Variants in MSH4 observed in about 807,000 individuals in gnomAD.
The protein encoded by MSH4 is mutS protein homolog 4.
In MSH4, 106 loss-of-function variants were observed where a neutral mutation model predicts 113.7. That is an observed-to-expected ratio of 0.93 (90% CI 0.80 to 1.10). The LOEUF is 1.10. Ranked by LOEUF, MSH4 falls within the 50% of genes least tolerant of loss-of-function variation. The probability of loss-of-function intolerance (pLI) is 0.00; values close to 1 mark genes in which losing one functional copy is unlikely to be tolerated. For synonymous variants in MSH4, 368 were observed against 380.2 expected (o/e 0.97, Z 0.37); for missense variants, 1,061 against 1,093.7 (o/e 0.97, Z 0.42).
rs202075371 is a variant in MSH4 at position 75,912,786 on chromosome 1, T to C, written c.2710T>C (p.Leu904=). 58 of 1,596,888 alleles carry C rather than the reference T, an allele frequency of 3.6e-5. No homozygotes were observed. The Middle Eastern group carries it at 5.0e-4, about 14-fold the overall frequency. Residue 904 remains leucine, a synonymous_variant, in exon 20 of 20, where the codon TTG becomes CTG. Transcript: ENST00000263187. ...RLVQTARNSQ[L]DPDSLRIYLS... is the part of the protein sequence containing the mutation. ...TGTTCAAACTGCTCGAAACTCTCAA[T>C]TGGATCCAGACAGTTTACGAATATA...
chr1:75,894,370 G>A (rs867321857), intron 17 of MSH4, among the ~76,000 whole-genome samples: 1 of 152,146 alleles, frequency 6.6e-6, no homozygotes, highest in Non-Finnish European at 1.5e-5. Context: ...ATCTGAATAA[G>A]CATAAAAGTT....
intron 8 of MSH4, among the ~76,000 whole-genome samples, chr1:75,854,817 A>G (rs1460177030): frequency 6.6e-6 from 1 of 152,322 alleles, no homozygotes; most frequent in Middle Eastern, 3.4e-3. Flanking sequence ...AGAGACTTAA[A>G]CATGAATAAT....
chr1:75,909,845 C>A (rs1022316645), intron 19 of MSH4, among the ~76,000 whole-genome samples: 1 of 151,908 alleles, frequency 6.6e-6, no homozygotes, highest in Admixed American at 6.6e-5. Flanking sequence ...AGTTCTTGAA[C>A]CTCCCCTCCT....
chr1:75,810,194 T>G, intron 3 of MSH4, among the ~76,000 whole-genome samples: 1 of 148,646 alleles, frequency 6.7e-6, no homozygotes, highest in East Asian at 2.0e-4. Flanking sequence ...TAGAAATATA[T>G]ATACATATAT....
intron 9 of MSH4, among the ~76,000 whole-genome samples, chr1:75,868,415 T>G (rs1185999071): frequency 6.6e-6 from 1 of 152,236 alleles, no homozygotes; most frequent in Admixed American, 6.5e-5. Context: ...GAAGTAATTA[T>G]TACTCTGATG....
chr1:75,797,782 C>CT (rs1247634339), intron 1 of MSH4, among the ~76,000 whole-genome samples: 1 of 152,048 alleles, frequency 6.6e-6, no homozygotes, highest in African/African-American at 2.4e-5. Flanking sequence ...CCTATCTCTA[C>CT]TAAAAGTACA....
chr1:75,845,850 G>T (rs910956465), intron 7 of MSH4, among the ~76,000 whole-genome samples: 2 of 152,190 alleles, frequency 1.3e-5, no homozygotes, highest in African/African-American at 2.4e-5. Flanking sequence ...GTTCTCTGTG[G>T]TGGCTCTGCC....
chr1:75,820,297 T>C (rs1650381778), intron 6 of MSH4, among the ~76,000 whole-genome samples: 1 of 152,242 alleles, frequency 6.6e-6, no homozygotes, highest in Non-Finnish European at 1.5e-5. Flanking sequence ...CATTGACCAA[T>C]AGCATATATG....
intron 6 of MSH4, among the ~76,000 whole-genome samples, chr1:75,821,271 A>G (rs1236236338): frequency 6.6e-6 from 1 of 152,162 alleles, no homozygotes; most frequent in Non-Finnish European, 1.5e-5. Context: ...CCGCTCAACT[A>G]CATAGAAACT....
At chr1:75,836,504 G>T (rs970053036) in intron 7 of MSH4, among the ~76,000 whole-genome samples, 1 of 151,912 alleles carries the variant, frequency 6.6e-6, no homozygotes, top group African/African-American at 2.4e-5. Context: ...TCACTATGTT[G>T]CCCAGGCTTG....
At chr1:75,895,927 GT>G (rs1652370142) in intron 17 of MSH4, among the ~76,000 whole-genome samples, 2 of 152,088 alleles carry the variant, frequency 1.3e-5, no homozygotes, top group South Asian at 4.1e-4. Flanking sequence ...GTGTTGAATA[GT>G]TTTATGTGTC....
rs138471567 is a variant in MSH4, at chr1:75,875,086, G to A, written c.1306-1850G>A. Among the ~76,000 whole-genome samples the A allele has an allele frequency of 6.3e-3, 966 of 152,214 alleles. 15 individuals carry two copies. The highest frequency in any genetic ancestry group is 0.035 in the Admixed American group (541 of 15,298). On this transcript the variant is annotated intron_variant, in intron 9 of 19. Transcript: ENST00000263187. ...TGTTTGTCTTTTTGATAGAGACGGG[G>A]TTTCGCCATGTTGGCCACACTGGTA...
At chr1:75,896,394 C>CACACACACACAT (rs571761055) in intron 17 of MSH4, among the ~76,000 whole-genome samples, 5,575 of 147,108 alleles carry the variant, frequency 0.038, 276 homozygotes, top group Middle Eastern at 0.084. Context: ...CACACACACA[C>CACACACACACAT]CCTATTGGTC....
At chr1:75,894,874 G>T (rs1652336071) in intron 17 of MSH4, among the ~76,000 whole-genome samples, 1 of 152,084 alleles carries the variant, frequency 6.6e-6, no homozygotes, top group South Asian at 2.1e-4. Flanking sequence ...CTAGGGAAAG[G>T]TTTTCCAGAA....
intron 7 of MSH4, among the ~76,000 whole-genome samples, chr1:75,824,171 A>T (rs1303252995): frequency 6.6e-6 from 1 of 152,058 alleles, no homozygotes; most frequent in African/African-American, 2.4e-5. Context: ...CGACATTCTA[A>T]CTGGCTTGAG....
intron 7 of MSH4, among the ~76,000 whole-genome samples, chr1:75,839,800 A>G (rs561777703): frequency 2.2e-4 from 33 of 147,502 alleles, no homozygotes; most frequent in African/African-American, 7.5e-4. Context: ...AGAATCTACA[A>G]TGAACTCCAA....
intron 6 of MSH4, among the ~76,000 whole-genome samples, chr1:75,817,039 C>T (rs1369722283): frequency 6.6e-6 from 1 of 152,190 alleles, no homozygotes; most frequent in Non-Finnish European, 1.5e-5. Flanking sequence ...GCCTCAGCCT[C>T]CAAGTAGCTG....
At chr1:75,825,934 T>C (rs2100524673) in intron 7 of MSH4, among the ~76,000 whole-genome samples, 1 of 152,252 alleles carries the variant, frequency 6.6e-6, no homozygotes, top group African/African-American at 2.4e-5. Flanking sequence ...TCTTTTTTTG[T>C]TGTGTCTGTA....
At chr1:75,824,440 A>G (rs1650499628) in intron 7 of MSH4, among the ~76,000 whole-genome samples, 1 of 151,984 alleles carries the variant, frequency 6.6e-6, no homozygotes, top group Non-Finnish European at 1.5e-5. Context: ...CACTCTGATG[A>G]TAGTTTCTTT....
Sources: allele counts gnomAD v4.1 joint callset (sites outside exome capture counted in the v4.1 genomes callset), GRCh38; gene constraint gnomAD v4.1.1; transcripts MANE v1.5; gene names NCBI Gene and HGNC (gene_info 2026-07-23, HGNC 2026-07-21).